BCL6: variants seen among roughly 807,000 people sequenced by gnomAD.
The protein encoded by BCL6 is BCL6 transcription repressor, also known as B-cell lymphoma 6 protein.
Under a neutral mutation model 59.5 loss-of-function variants are expected in BCL6, and 7 were observed. The observed-to-expected ratio is 0.12, with a 90% CI of 0.07 to 0.22. The LOEUF (loss-of-function observed/expected upper bound fraction) is 0.22, where lower values mean the gene tolerates loss of function less well. Ranked by LOEUF, BCL6 falls within the 10% of genes least tolerant of loss-of-function variation. The pLI, the probability that BCL6 is intolerant of heterozygous loss-of-function variation, is 1.00. For missense variants in BCL6, 685 were observed against 939.4 expected, an observed-to-expected ratio of 0.73 and a Z score of 3.54; for synonymous variants, 339 against 349.7, an observed-to-expected ratio of 0.97 and a Z score of 0.34.
At chr3:187,732,022 C>G in intron 3 of BCL6, 92 bp from the exon 4 acceptor site, 1 of 1,077,098 alleles carries the variant, frequency 9.3e-7, no homozygotes, top group Non-Finnish European at 1.4e-6. Context: ...TTCCCCTGGG[C>G]CTACCTCCAG....
At chr3:187,744,646 G>A (rs1403542212) in intron 1 of BCL6, among the ~76,000 whole-genome samples, 1 of 152,056 alleles carries the variant, frequency 6.6e-6, no homozygotes, top group African/African-American at 2.4e-5. Context: ...TCGGCTCGAA[G>A]GCAGGGAATC....
intron 2 of BCL6, 168 bp from the exon 3 acceptor site, chr3:187,733,871 G>A: frequency 1.5e-6 from 1 of 676,332 alleles, no homozygotes; most frequent in South Asian, 1.8e-5. Context: ...ATTCTTCATA[G>A]TTTTAAAATG....
In BCL6 at chr3:187,728,400, C is replaced by T; in HGVS notation, c.1500G>A (p.Glu500=). ...LHTAGPTFPE[E]MGETQSEYSD... Reference sequence around the variant, plus strand: ...AGTACTCAGACTGGGTCTCTCCCATCTCCTCAGGGAACGTGGGGCCAGCGG... The same window carrying T: ...AGTACTCAGACTGGGTCTCTCCCATTTCCTCAGGGAACGTGGGGCCAGCGG... Residue 500 remains glutamate, a synonymous_variant, in exon 6 of 10, where the codon GAG becomes GAA. Coordinates refer to ENST00000406870, the MANE Select transcript of BCL6 (RefSeq NM_001706.5). 1 of 1,608,732 alleles carries T rather than the reference C, an allele frequency of 6.2e-7. No homozygotes were observed. The highest frequency in any genetic ancestry group is 1.7e-5 in the Admixed American group (1 of 59,090).
At chr3:187,743,556 G>A (rs1437076662) in intron 1 of BCL6, among the ~76,000 whole-genome samples, 3 of 152,032 alleles carry the variant, frequency 2.0e-5, no homozygotes, top group East Asian at 1.9e-4. Context: ...GTTTGGTTGT[G>A]TTTTTGTTTT....
intron 1 of BCL6, among the ~76,000 whole-genome samples, chr3:187,743,050 CCACA>C (rs1711671297): frequency 6.6e-6 from 1 of 150,872 alleles, no homozygotes; most frequent in Non-Finnish European, 1.5e-5. Context: ...TTTATTAAAA[CCACA>C]CACACCTTGC....
intron 1 of BCL6, among the ~76,000 whole-genome samples, chr3:187,743,005 G>A (rs1231083302): frequency 6.8e-6 from 1 of 146,478 alleles, no homozygotes; most frequent in Non-Finnish European, 1.5e-5. Context: ...GTCTCCTGAT[G>A]GATCTTGCCG....
chr3:187,731,960 T>C, intron 3 of BCL6, 30 bp from the exon 4 acceptor site: 1 of 1,571,276 alleles, frequency 6.4e-7, no homozygotes, highest in Non-Finnish European at 8.7e-7. Flanking sequence ...CCCACTATAG[T>C]AGACATATCG....
chr3:187,727,161 C>T (rs1271992008), intron 6 of BCL6, among the ~76,000 whole-genome samples: 1 of 152,230 alleles, frequency 6.6e-6, no homozygotes, highest in African/African-American at 2.4e-5. Context: ...AACAGGTGCT[C>T]AGAGGGCCTG....
intron 1 of BCL6, among the ~76,000 whole-genome samples, chr3:187,741,028 C>A (rs967726312): frequency 2.6e-5 from 4 of 152,170 alleles, no homozygotes; most frequent in Admixed American, 6.5e-5. Context: ...TCGATCTCAG[C>A]CCACCGCTAG....
rs571551739 is a variant in BCL6 at position 187,725,690 on chromosome 3, C to G, written c.1709-61G>C. 1 of 1,598,636 alleles carries G rather than the reference C, an allele frequency of 6.3e-7. No homozygotes were observed. Among genetic ancestry groups the G allele is most frequent in the African/African-American group, 1.3e-5 (1 of 74,208 alleles). ...TTCAATAAGGAAGGTCTCTGCAGTC[C>G]GTGGCTCCTGGATTTCTAAGCAGCC... On this transcript the variant is annotated intron_variant, in intron 7 of 9. Coordinates refer to ENST00000406870, the MANE Select transcript of BCL6 (RefSeq NM_001706.5). The surrounding 1 kb of genome is among the most constrained non-coding windows in gnomAD (Gnocchi z 4.7).
intron 1 of BCL6, chr3:187,736,221 G>A (rs1719274793): frequency 6.6e-6 from 1 of 152,118 alleles, no homozygotes; most frequent in Admixed American, 6.5e-5. Context: ...GAGTGAGTGG[G>A]GACTGGAGGG....
chr3:187,739,444 G>C (rs1428086244), intron 1 of BCL6, among the ~76,000 whole-genome samples: 1 of 152,178 alleles, frequency 6.6e-6, no homozygotes, highest in East Asian at 1.9e-4. Context: ...GCTGGGGAAC[G>C]GGAGGGTGCA....
At chr3:187,744,403 T>G (rs533863135) in intron 1 of BCL6, among the ~76,000 whole-genome samples, 1 of 148,570 alleles carries the variant, frequency 6.7e-6, no homozygotes, top group East Asian at 2.1e-4. Context: ...GGTTCCCGAC[T>G]CCCTCGACTA....
chr3:187,740,088 G>C (rs1711534088), intron 1 of BCL6, among the ~76,000 whole-genome samples: 1 of 152,196 alleles, frequency 6.6e-6, no homozygotes, highest in Non-Finnish European at 1.5e-5. Flanking sequence ...GTCTCCCCCT[G>C]CAGAGCGCGC....
Position 187,729,376 on chromosome 3 carries a change from C to T in BCL6, c.1029G>A (p.Ser343=), listed in dbSNP as rs745836402. The change falls in exon 5 of 10, where the codon TCG becomes TCA. Residue 343 remains serine, a synonymous_variant. Coordinates refer to ENST00000406870, the MANE Select transcript of BCL6 (RefSeq NM_001706.5). The surrounding 1 kb of genome is among the most constrained non-coding windows in gnomAD (Gnocchi z 5.6). Reference sequence around the variant, plus strand: ...TCTTACTGCTGCAGGACTCTGTGGGCGAGTTGGGCTGGCAGTCAGATTTCT... The same window carrying T: ...TCTTACTGCTGCAGGACTCTGTGGGTGAGTTGGGCTGGCAGTCAGATTTCT... ...SPQKSDCQPN[S]PTESCSSKNA... is the part of the protein sequence containing the mutation. 59 of 1,613,332 alleles carry T rather than the reference C, an allele frequency of 3.7e-5. No individual in the cohort carries two copies. The highest frequency in any genetic ancestry group is 1.2e-4 in the African/African-American group (9 of 74,866).
intron 5 of BCL6, 28 bp from the exon 6 acceptor site, chr3:187,728,572 G>A (rs1331557583): frequency 1.3e-6 from 2 of 1,581,776 alleles, no homozygotes; most frequent in South Asian, 2.3e-5. Context: ...AACAGCCTCA[G>A]CACCTGGGGC....
At chr3:187,744,603 G>C (rs1192581926) in intron 1 of BCL6, among the ~76,000 whole-genome samples, 6 of 152,180 alleles carry the variant, frequency 3.9e-5, no homozygotes, top group East Asian at 1.9e-4. Context: ...AACCCAAAGA[G>C]TTCGCTTGCA....
chr3:187,736,081 G>A (rs376470267), intron 1 of BCL6: 2 of 152,240 alleles, frequency 1.3e-5, no homozygotes, highest in African/African-American at 2.4e-5. Context: ...CCAGGCTGCT[G>A]AGTCTTACCA....
intron 1 of BCL6, among the ~76,000 whole-genome samples, chr3:187,744,715 T>C (rs1711811392): frequency 2.6e-5 from 4 of 151,820 alleles, no homozygotes; most frequent in South Asian, 2.1e-4. Context: ...CAGCCTCCCT[T>C]TTTGCCTCCC....
Sources: gnomAD v4.1 joint callset for allele counts (sites outside exome capture counted in the v4.1 genomes callset) on GRCh38, gnomAD v4.1.1 for gene constraint, Gnocchi (gnomAD v3.1) non-coding constraint, MANE v1.5 for transcripts, NCBI Gene and HGNC (gene_info 2026-07-23, HGNC 2026-07-21) for gene names.